SMARCC1: variants seen among roughly 807,000 people sequenced by gnomAD.
SMARCC1 encodes the protein SWI/SNF complex subunit SMARCC1.
SMARCC1 carries 43 observed loss-of-function variants against 147.4 expected under a neutral mutation model. The observed-to-expected ratio is 0.29, with a 90% confidence interval of 0.23 to 0.38. The LOEUF (loss-of-function observed/expected upper bound fraction) is 0.38, where lower values mean the gene tolerates loss of function less well. Among genes scored for constraint, SMARCC1 ranks in the 10% least tolerant of loss-of-function variants. The probability of loss-of-function intolerance (pLI) is 1.00; values close to 1 mark genes in which losing one functional copy is unlikely to be tolerated. For synonymous variants in SMARCC1, 495 were observed against 484.4 expected, an observed-to-expected ratio of 1.02 and a Z score of -0.29; for missense variants, 1,119 against 1,381.1, an observed-to-expected ratio of 0.81 and a Z score of 3.01.
chr3:47,670,481 A>G, intron 19 of SMARCC1, 177 bp downstream of exon 19: 1 of 595,718 alleles, frequency 1.7e-6, no homozygotes. Flanking sequence ...GCTATTCAGG[A>G]CTGAAGGTAA....
chr3:47,700,881 A>G (rs1448696379), intron 11 of SMARCC1, among the ~76,000 whole-genome samples: 1 of 152,200 alleles, frequency 6.6e-6, no homozygotes, highest in East Asian at 1.9e-4. Flanking sequence ...ATAACTGGTA[A>G]CTAAGGTTCA....
At chr3:47,607,562 T>C (rs770590663) in intron 26 of SMARCC1, among the ~76,000 whole-genome samples, 5 of 152,172 alleles carry the variant, frequency 3.3e-5, no homozygotes, top group Non-Finnish European at 7.3e-5. Flanking sequence ...CCCATATATA[T>C]TGCCCTCTAA....
chr3:47,758,410 G>A (rs112295334), intron 2 of SMARCC1, among the ~76,000 whole-genome samples: 5 of 150,712 alleles, frequency 3.3e-5, no homozygotes, highest in African/African-American at 4.9e-5. Flanking sequence ...CTAGCCACAC[G>A]TGGTAGTATA....
At chr3:47,712,943 A>G (rs2034106543) in intron 8 of SMARCC1, among the ~76,000 whole-genome samples, 2 of 152,196 alleles carry the variant, frequency 1.3e-5, no homozygotes, top group African/African-American at 4.8e-5. Flanking sequence ...TCACAACATT[A>G]CATGGCTCAT....
chr3:47,622,273 C>T lies in SMARCC1; in HGVS notation c.2715G>A (p.Lys905=), dbSNP rs752386588. The T allele has an allele frequency of 1.2e-5, 20 of 1,607,994 alleles. No individual in the cohort carries two copies. The highest frequency in any genetic ancestry group is 2.7e-5 in the African/African-American group (2 of 74,384). The change falls in exon 25 of 28, where the codon AAG becomes AAA. Residue 905 remains lysine (K), a synonymous_variant. Coordinates refer to ENST00000254480, the MANE Select transcript of SMARCC1 (RefSeq NM_003074.4). ...AATGTCGAAGTTTGATCTCTAGTTTCTTCATTTGTGTCTCAACCAAGAGAG... is the reference window on the plus strand; with the variant it reads ...AATGTCGAAGTTTGATCTCTAGTTTTTTCATTTGTGTCTCAACCAAGAGAG... ...LVALLVETQM[K]KLEIKLRHFE... is the part of the protein sequence containing the mutation.
At chr3:47,707,804 C>T (rs760210999) in intron 9 of SMARCC1, among the ~76,000 whole-genome samples, 34 of 152,164 alleles carry the variant, frequency 2.2e-4, no homozygotes, top group South Asian at 1.7e-3. Context: ...GCTTGTGCTC[C>T]GAAGGTCAAG....
intron 5 of SMARCC1, among the ~76,000 whole-genome samples, chr3:47,731,953 T>G (rs962016085): frequency 2.0e-5 from 3 of 152,222 alleles, no homozygotes; most frequent in African/African-American, 7.2e-5. Context: ...ATAGCCTGGC[T>G]GAAGCTTTTA....
At chr3:47,714,962 A>G (rs2034137687) in intron 7 of SMARCC1, among the ~76,000 whole-genome samples, 1 of 152,170 alleles carries the variant, frequency 6.6e-6, no homozygotes, top group African/African-American at 2.4e-5. Flanking sequence ...AGATCAAAAA[A>G]TTTTAAACAG....
chr3:47,666,461 C>CAT (rs3048897), intron 19 of SMARCC1, among the ~76,000 whole-genome samples: 93,655 of 151,748 alleles, frequency 0.62, 29,610 homozygotes, highest in East Asian at 0.72. Context: ...CAGTGTCTGT[C>CAT]AGTGTCCAAA....
At chr3:47,728,284 C>T (rs1006157324) in intron 6 of SMARCC1, among the ~76,000 whole-genome samples, 1 of 150,076 alleles carries the variant, frequency 6.7e-6, no homozygotes, top group African/African-American at 2.5e-5. Flanking sequence ...GATGGGGTTT[C>T]ACCATTTTGG....
At chr3:47,611,004 G>A (rs1034964667) in intron 25 of SMARCC1, among the ~76,000 whole-genome samples, 2 of 152,128 alleles carry the variant, frequency 1.3e-5, no homozygotes, top group African/African-American at 4.8e-5. Flanking sequence ...TTAGTTTAAC[G>A]ACTACAAGCA....
At chr3:47,736,897 G>A (rs548837712) in intron 4 of SMARCC1, among the ~76,000 whole-genome samples, 1 of 151,940 alleles carries the variant, frequency 6.6e-6, no homozygotes, top group African/African-American at 2.4e-5. Flanking sequence ...CCTCTCCCCA[G>A]GAAGGTTAAT....
intron 26 of SMARCC1, among the ~76,000 whole-genome samples, chr3:47,593,907 G>A (rs1307436533): frequency 3.3e-5 from 5 of 152,178 alleles, no homozygotes; most frequent in Non-Finnish European, 7.4e-5. Flanking sequence ...GCTCACACCT[G>A]TATTCCCAGC....
At chr3:47,691,012 T>C (rs1177029061) in intron 12 of SMARCC1, among the ~76,000 whole-genome samples, 1 of 152,212 alleles carries the variant, frequency 6.6e-6, no homozygotes, top group African/African-American at 2.4e-5. Context: ...AACTGTTAGT[T>C]TGACTTAATA....
At position 47,591,190 on chromosome 3, in the gene SMARCC1, A is replaced by G. The variant is rs944660034; in HGVS notation, c.3044-353T>C. On this transcript the variant is annotated intron_variant, in intron 26 of 27. Coordinates refer to ENST00000254480, the MANE Select transcript of SMARCC1 (RefSeq NM_003074.4). ...CCTGAGGATATACAATGCCAAGCAC[A>G]GCCCACAGGGAATGAAGTGGACTTT... Among the ~76,000 whole-genome samples, 6 of 152,330 alleles carry G rather than the reference A, an allele frequency of 3.9e-5. No individual in the cohort carries two copies. The East Asian group carries it at 1.2e-3, about 29-fold the overall frequency.
At chr3:47,762,829 G>A (rs933124134) in intron 2 of SMARCC1, among the ~76,000 whole-genome samples, 1 of 152,176 alleles carries the variant, frequency 6.6e-6, no homozygotes, top group African/African-American at 2.4e-5. Context: ...CACTTTGGGA[G>A]GCCGAGGCGG....
chr3:47,634,511 T>C (rs1332380346), intron 24 of SMARCC1, among the ~76,000 whole-genome samples: 1 of 152,212 alleles, frequency 6.6e-6, no homozygotes, highest in African/African-American at 2.4e-5. Flanking sequence ...AATCACTGTT[T>C]CTTGAAATGT....
intron 26 of SMARCC1, chr3:47,604,470 A>G: frequency 2.7e-6 from 1 of 366,994 alleles, no homozygotes; most frequent in East Asian, 7.3e-5. Context: ...CTTTTCTGGA[A>G]CTTAGGAATC....
intron 4 of SMARCC1, among the ~76,000 whole-genome samples, chr3:47,736,599 C>A (rs2034447049): frequency 6.6e-6 from 1 of 151,930 alleles, no homozygotes; most frequent in Admixed American, 6.6e-5. Flanking sequence ...TGGCGTGAAC[C>A]CGGGAGGTTG....
Sources: gnomAD v4.1 joint callset for allele counts (sites outside exome capture counted in the v4.1 genomes callset) on GRCh38, gnomAD v4.1.1 for gene constraint, MANE v1.5 for transcripts, NCBI Gene and HGNC (gene_info 2026-07-23, HGNC 2026-07-21) for gene names.